The following ST6GALNAC3 variants were observed in gnomAD, a reference collection of about 807,000 sequenced individuals.
ST6GALNAC3 encodes the protein alpha-N-acetylgalactosaminide alpha-2,6-sialyltransferase 3.
Under a neutral mutation model 32.7 loss-of-function variants are expected in ST6GALNAC3, and 25 were observed. That is an observed-to-expected ratio of 0.76 (90% CI 0.56 to 1.07). The LOEUF is 1.07. ST6GALNAC3 is among the 50% of genes least tolerant of loss of function. The probability of loss-of-function intolerance (pLI) is 0.00; values close to 1 mark genes in which losing one functional copy is unlikely to be tolerated. For missense variants in ST6GALNAC3, 355 were observed against 382.4 expected, an observed-to-expected ratio of 0.93 and a Z score of 0.60; for synonymous variants, 129 against 133.1, an observed-to-expected ratio of 0.97 and a Z score of 0.21.
At chr1:76,615,009 G>A (rs540116667) in intron 3 of ST6GALNAC3, among the ~76,000 whole-genome samples, 10 of 152,038 alleles carry the variant, frequency 6.6e-5, no homozygotes, top group Admixed American at 1.3e-4. Context: ...AAGACTGTGG[G>A]CTTGTACCCT....
At chr1:76,183,599 C>T (rs1378416964) in intron 1 of ST6GALNAC3, among the ~76,000 whole-genome samples, 1 of 151,720 alleles carries the variant, frequency 6.6e-6, no homozygotes, top group Non-Finnish European at 1.5e-5. Flanking sequence ...AAAAAGTGTA[C>T]TTACACAACC....
intron 2 of ST6GALNAC3, among the ~76,000 whole-genome samples, chr1:76,332,694 T>C (rs570332119): frequency 6.6e-6 from 1 of 152,282 alleles, no homozygotes; most frequent in Non-Finnish European, 1.5e-5. Context: ...ATTCTACAGA[T>C]TCTGGTATCT....
chr1:76,295,151 G>C (rs1008624317), intron 1 of ST6GALNAC3, among the ~76,000 whole-genome samples: 1 of 151,754 alleles, frequency 6.6e-6, no homozygotes, highest in Admixed American at 6.6e-5. Context: ...TCTCTATGAG[G>C]CTTTATTTTT....
intron 1 of ST6GALNAC3, among the ~76,000 whole-genome samples, chr1:76,080,574 G>T (rs1355333796): frequency 6.6e-6 from 1 of 150,824 alleles, no homozygotes; most frequent in Non-Finnish European, 1.5e-5. Context: ...AAGTGTAGGC[G>T]TGGTTTAACT....
chr1:76,181,854 A>G (rs941664091), intron 1 of ST6GALNAC3, among the ~76,000 whole-genome samples: 2 of 152,220 alleles, frequency 1.3e-5, no homozygotes, highest in Non-Finnish European at 2.9e-5. Flanking sequence ...AGTATGTATA[A>G]ATCATTTCAA....
chr1:76,609,437 A>G (rs1193383882), intron 3 of ST6GALNAC3, among the ~76,000 whole-genome samples: 3 of 152,172 alleles, frequency 2.0e-5, no homozygotes, highest in Non-Finnish European at 4.4e-5. Context: ...CATAGATTTA[A>G]ACATTCTTAT....
chr1:76,546,086 A>G (rs1052726663), intron 3 of ST6GALNAC3, among the ~76,000 whole-genome samples: 2 of 152,182 alleles, frequency 1.3e-5, no homozygotes, highest in Admixed American at 1.3e-4. Context: ...GTACTTTCCA[A>G]TTTGGAATCT....
chr1:76,302,292 T>G (rs1660773822), intron 1 of ST6GALNAC3, among the ~76,000 whole-genome samples: 1 of 151,976 alleles, frequency 6.6e-6, no homozygotes, highest in South Asian at 2.1e-4. Flanking sequence ...CTGAGGTGTT[T>G]TGTTTGTTTG....
intron 1 of ST6GALNAC3, among the ~76,000 whole-genome samples, chr1:76,098,829 CCTT>C (rs1292234704): frequency 6.6e-6 from 1 of 152,004 alleles, no homozygotes; most frequent in East Asian, 1.9e-4. Context: ...TAAAATCCCT[CCTT>C]AAGAAGTCTT....
chr1:76,232,027 A>G (rs1656386701), intron 1 of ST6GALNAC3, among the ~76,000 whole-genome samples: 1 of 152,172 alleles, frequency 6.6e-6, no homozygotes, highest in Admixed American at 6.5e-5. Flanking sequence ...TTTTCAAGGG[A>G]GAAACTTCAC....
At chr1:76,612,519 C>T (rs1648003081) in intron 3 of ST6GALNAC3, among the ~76,000 whole-genome samples, 2 of 152,154 alleles carry the variant, frequency 1.3e-5, no homozygotes, top group Non-Finnish European at 2.9e-5. Context: ...ATCAAACATT[C>T]AGGACCTGGA....
downstream of ST6GALNAC3, chr1:76,637,005 A>T (rs561161303): frequency 1.3e-5 from 2 of 149,950 alleles, no homozygotes; most frequent in South Asian, 4.2e-4. Flanking sequence ...GTGGTTCTTT[A>T]CAGGGATAAA....
Position 76,075,621 on chromosome 1 carries a change from A to G in ST6GALNAC3, c.18+737A>G, listed in dbSNP as rs540716361. Among the ~76,000 whole-genome samples the G allele has an allele frequency of 2.1e-3, 323 of 152,230 alleles. 1 individual carries two copies. Among genetic ancestry groups the G allele is most frequent in the African/African-American group, 7.5e-3 (310 of 41,532 alleles). ...CACCTGAGCATCTTTCTGGGTTCAC[A>G]GACTTGTGGCCTCAGGTGGGAGAAC... On this transcript the variant is annotated intron_variant, in intron 1 of 4. Coordinates refer to ENST00000328299, the MANE Select transcript of ST6GALNAC3 (RefSeq NM_152996.4).
At chr1:76,619,926 G>A (rs995166935) in intron 3 of ST6GALNAC3, among the ~76,000 whole-genome samples, 1 of 151,984 alleles carries the variant, frequency 6.6e-6, no homozygotes, top group Non-Finnish European at 1.5e-5. Context: ...ACCTCCTGTT[G>A]GAGAAGAAAT....
intron 1 of ST6GALNAC3, among the ~76,000 whole-genome samples, chr1:76,276,417 C>T (rs903789373): frequency 6.6e-6 from 1 of 152,072 alleles, no homozygotes; most frequent in African/African-American, 2.4e-5. Context: ...ATAATGATAT[C>T]ATCTATGTGT....
chr1:76,497,077 G>A (rs1660894911), intron 3 of ST6GALNAC3, among the ~76,000 whole-genome samples: 1 of 152,146 alleles, frequency 6.6e-6, no homozygotes, highest in Non-Finnish European at 1.5e-5. Context: ...GTGCCAGATG[G>A]CCTGCTTTCT....
At chr1:76,557,092 A>G (rs1237653885) in intron 3 of ST6GALNAC3, among the ~76,000 whole-genome samples, 1 of 152,020 alleles carries the variant, frequency 6.6e-6, no homozygotes, top group African/African-American at 2.4e-5. Flanking sequence ...GCATGTGAAT[A>G]TACAGTTATC....
chr1:76,132,597 G>T (rs1649682946), intron 1 of ST6GALNAC3, among the ~76,000 whole-genome samples: 1 of 152,146 alleles, frequency 6.6e-6, no homozygotes, highest in African/African-American at 2.4e-5. Context: ...CTGCCCCTCT[G>T]ATTGTCTCCC....
At chr1:76,528,387 C>A (rs1663047784) in intron 3 of ST6GALNAC3, among the ~76,000 whole-genome samples, 1 of 151,778 alleles carries the variant, frequency 6.6e-6, no homozygotes, top group Admixed American at 6.6e-5. Context: ...TCAGTTTGAA[C>A]CCAGGTCTTC....
Sources: gnomAD v4.1 joint callset for allele counts (sites outside exome capture counted in the v4.1 genomes callset) on GRCh38, gnomAD v4.1.1 for gene constraint, MANE v1.5 for transcripts, NCBI Gene and HGNC (gene_info 2026-07-23, HGNC 2026-07-21) for gene names.